The following TBC1D32 variants were observed in gnomAD, a reference collection of about 807,000 sequenced individuals.
TBC1D32 encodes TBC1 domain family member 32.
In TBC1D32, 151 loss-of-function variants were observed where a neutral mutation model predicts 170.3. That is an observed-to-expected ratio of 0.89 (90% CI 0.78 to 1.01). The LOEUF is 1.01. Among genes scored for constraint, TBC1D32 ranks in the 50% least tolerant of loss-of-function variants. The pLI is 0.00. For missense variants in TBC1D32, 1,464 were observed against 1,457.1 expected, an observed-to-expected ratio of 1.00 and a Z score of -0.08; for synonymous variants, 498 against 488.0, an observed-to-expected ratio of 1.02 and a Z score of -0.27.
intron 31 of TBC1D32, among the ~76,000 whole-genome samples, chr6:121,086,361 C>T (rs1046833267): frequency 6.6e-6 from 1 of 152,114 alleles, no homozygotes; most frequent in East Asian, 1.9e-4. Flanking sequence ...CTGCAAAACA[C>T]AGCTGACAGT....
intron 20 of TBC1D32, among the ~76,000 whole-genome samples, chr6:121,237,480 G>A (rs998726098): frequency 6.6e-6 from 1 of 151,814 alleles, no homozygotes; most frequent in East Asian, 1.9e-4. Flanking sequence ...TTAGTCAAAT[G>A]TATTTCTGAT....
chr6:121,277,788 A>G (rs1188115590), intron 15 of TBC1D32, among the ~76,000 whole-genome samples: 1 of 151,838 alleles, frequency 6.6e-6, no homozygotes, highest in Admixed American at 6.6e-5. Context: ...AATTAAAAAC[A>G]TGAAATCAAT....
At chr6:121,172,296 C>A (rs1199089469) in intron 22 of TBC1D32, among the ~76,000 whole-genome samples, 2 of 152,144 alleles carry the variant, frequency 1.3e-5, no homozygotes, top group African/African-American at 4.8e-5. Context: ...GCTCCTCCTA[C>A]CTTTAAGTCA....
chr6:121,126,249 T>C (rs956201849), intron 26 of TBC1D32, 129 bp downstream of exon 26: 1 of 589,890 alleles, frequency 1.7e-6, no homozygotes. Context: ...ATATCTGGAA[T>C]GTATATGGCA....
chr6:121,112,459 T>C (rs766962568), intron 29 of TBC1D32, 46 bp downstream of exon 29: 5 of 1,520,004 alleles, frequency 3.3e-6, no homozygotes, highest in Non-Finnish European at 4.4e-6. Context: ...AAGTATAATG[T>C]TCTTAAAATT....
At chr6:121,195,271 A>T (rs751439315) in intron 22 of TBC1D32, among the ~76,000 whole-genome samples, 3 of 152,192 alleles carry the variant, frequency 2.0e-5, no homozygotes, top group Non-Finnish European at 4.4e-5. Flanking sequence ...GAGGCTTAAG[A>T]TATCTGTTAC....
intron 24 of TBC1D32, among the ~76,000 whole-genome samples, chr6:121,148,157 C>A (rs937708386): frequency 2.0e-5 from 3 of 151,942 alleles, no homozygotes; most frequent in Non-Finnish European, 4.4e-5. Flanking sequence ...CCCGACAGGC[C>A]CCAGTGTGTG....
intron 21 of TBC1D32, among the ~76,000 whole-genome samples, chr6:121,219,442 C>A (rs1794238500): frequency 6.6e-6 from 1 of 152,074 alleles, no homozygotes. Context: ...TTTGAATACG[C>A]CCCACAGAGA....
At chr6:121,240,668 C>T (rs529324747) in intron 19 of TBC1D32, among the ~76,000 whole-genome samples, 1 of 151,772 alleles carries the variant, frequency 6.6e-6, no homozygotes, top group African/African-American at 2.4e-5. Flanking sequence ...GCGGGCGAAT[C>T]ACCTGAGGTC....
intron 21 of TBC1D32, among the ~76,000 whole-genome samples, chr6:121,207,921 C>A (rs1327776820): frequency 6.6e-6 from 1 of 152,012 alleles, no homozygotes; most frequent in Non-Finnish European, 1.5e-5. Flanking sequence ...GAGGACAGGT[C>A]AAATGTAATG....
intron 22 of TBC1D32, among the ~76,000 whole-genome samples, chr6:121,188,832 T>C (rs1490029290): frequency 6.6e-6 from 1 of 152,136 alleles, no homozygotes; most frequent in Non-Finnish European, 1.5e-5. Flanking sequence ...AACTATTATC[T>C]TCTCTAGCTG....
At chr6:121,234,623 T>C (rs1288160044) in intron 20 of TBC1D32, among the ~76,000 whole-genome samples, 1 of 152,104 alleles carries the variant, frequency 6.6e-6, no homozygotes, top group African/African-American at 2.4e-5. Context: ...ATATCCTGTA[T>C]CATGTTTTTT....
In TBC1D32 at chr6:121,310,889, T is replaced by C. The variant is rs550600824; in HGVS notation, c.496-42A>G. ...AGGACATTCATTTATTTAGAAGGCTTTTAGAACTATTGCTATAAGTTATTT... is the reference window on the plus strand; with the variant it reads ...AGGACATTCATTTATTTAGAAGGCTCTTAGAACTATTGCTATAAGTTATTT... On this transcript the variant is annotated intron_variant, in intron 3 of 31. Transcript: ENST00000398212. The C allele has an allele frequency of 6.7e-6, 7 of 1,049,526 alleles. No individual in the cohort carries two copies. The African/African-American group carries it at 1.1e-4, about 17-fold the overall frequency. The allele number at this position is 1,049,526 out of a possible 1,614,324, so 65.0% of individuals were successfully genotyped here. A position where few individuals can be genotyped will look rare whatever the true frequency, so the allele number is the denominator to read the frequency against.
Position 121,317,648 on chromosome 6 carries a change from C to T in TBC1D32, c.342G>A (p.Leu114=). The T allele has an allele frequency of 6.2e-7, 1 of 1,607,852 alleles. No individual in the cohort carries two copies. The highest frequency in any genetic ancestry group is 1.1e-5 in the South Asian group (1 of 89,920). The change falls in exon 3 of 32, where the codon CTG becomes CTA. Residue 114 remains leucine, a synonymous_variant. Transcript: ENST00000398212. ...CGACCACAGCTATCATAATGTTCTT[C>T]AGGTAATGCATCATTTCTTTGTACC... The part of the protein sequence containing the change: ...SKEYKEMMHY[L]KNIMIAVVES...
intron 9 of TBC1D32, among the ~76,000 whole-genome samples, chr6:121,300,500 G>T (rs965170133): frequency 2.6e-5 from 4 of 151,948 alleles, no homozygotes; most frequent in South Asian, 4.2e-4. Context: ...ATGAGGAAAG[G>T]ATTTCCTATT....
intron 30 of TBC1D32, among the ~76,000 whole-genome samples, chr6:121,101,854 A>C (rs556473997): frequency 1.3e-5 from 2 of 152,272 alleles, no homozygotes; most frequent in Non-Finnish European, 2.9e-5. Context: ...GTCTCAGCCC[A>C]AAATCTCCTT....
chr6:121,268,999 G>A (rs756037006), intron 15 of TBC1D32, among the ~76,000 whole-genome samples: 6 of 152,202 alleles, frequency 3.9e-5, no homozygotes, highest in Non-Finnish European at 5.9e-5. Context: ...AGAATTTCAT[G>A]TCCAGCCAAA....
At chr6:121,288,532 G>C (rs1195853776) in intron 12 of TBC1D32, among the ~76,000 whole-genome samples, 1 of 152,084 alleles carries the variant, frequency 6.6e-6, no homozygotes, top group African/African-American at 2.4e-5. Flanking sequence ...ACCAAAAAAA[G>C]TCCAGGACCA....
rs575310649 is a variant in TBC1D32 at position 121,184,422 on chromosome 6, T to C, written c.2570+20653A>G. ...AATCACCTGTAAAATGCATGACAAA[T>C]TGCTACATCTCACATTAACTACCAC... On this transcript the variant is annotated intron_variant, in intron 22 of 31. Coordinates refer to ENST00000398212, the MANE Select transcript of TBC1D32 (RefSeq NM_152730.6). Among the ~76,000 whole-genome samples the C allele has an allele frequency of 1.4e-4, 22 of 151,906 alleles. No homozygotes were observed. In the South Asian group the frequency reaches 4.2e-3, roughly 29 times the overall value.
Sources: allele counts gnomAD v4.1 joint callset (sites outside exome capture counted in the v4.1 genomes callset), GRCh38; gene constraint gnomAD v4.1.1; transcripts MANE v1.5; gene names NCBI Gene and HGNC (gene_info 2026-07-23, HGNC 2026-07-21).